Variants in NELL1 observed in about 807,000 individuals in gnomAD.
The protein encoded by NELL1 is neural EGFL like 1, also known as protein kinase C-binding protein NELL1.
In NELL1, 76 loss-of-function variants were observed where a neutral mutation model predicts 107.4. The ratio of observed to expected loss-of-function variants is 0.71; its 90% confidence interval spans 0.59 to 0.86. The LOEUF (loss-of-function observed/expected upper bound fraction) is 0.86. Among genes scored for constraint, NELL1 ranks in the 40% least tolerant of loss-of-function variants. The pLI, the probability that NELL1 is intolerant of heterozygous loss-of-function variation, is 0.00. For synonymous variants in NELL1, 353 were observed against 341.2 expected, an observed-to-expected ratio of 1.03 and a Z score of -0.38; for missense variants, 1,024 against 1,005.5, an observed-to-expected ratio of 1.02 and a Z score of -0.25.
chr11:20,742,840 C>T (rs1160640587), intron 2 of NELL1, among the ~76,000 whole-genome samples: 1 of 152,144 alleles, frequency 6.6e-6, no homozygotes, highest in East Asian at 1.9e-4. Flanking sequence ...CCTTGATATC[C>T]CTAACCCATA....
chr11:21,563,412 G>A (rs1173060312), intron 17 of NELL1, among the ~76,000 whole-genome samples: 1 of 152,038 alleles, frequency 6.6e-6, no homozygotes, highest in African/African-American at 2.4e-5. Context: ...GTCATATATG[G>A]TAGAGCTATG....
intron 13 of NELL1, among the ~76,000 whole-genome samples, chr11:21,120,796 G>A (rs1302698942): frequency 1.3e-5 from 2 of 152,076 alleles, no homozygotes; most frequent in African/African-American, 4.8e-5. Context: ...TACTACTTTT[G>A]CATATTTCAA....
chr11:20,672,851 A>ATTTT (rs35403876), intron 1 of NELL1, among the ~76,000 whole-genome samples: 11 of 137,268 alleles, frequency 8.0e-5, no homozygotes, highest in African/African-American at 2.4e-4. Flanking sequence ...AAAGGAGAGA[A>ATTTT]TTTTTTTTTT....
intron 12 of NELL1, among the ~76,000 whole-genome samples, chr11:21,088,138 G>C (rs537554632): frequency 6.7e-6 from 1 of 150,064 alleles, no homozygotes. Flanking sequence ...CTTCAATAAA[G>C]GCTATTGTTC....
At chr11:20,902,353 A>G (rs1320193654) in intron 5 of NELL1, among the ~76,000 whole-genome samples, 1 of 152,114 alleles carries the variant, frequency 6.6e-6, no homozygotes, top group Non-Finnish European at 1.5e-5. Context: ...ATAAATAACC[A>G]GTGAACATAT....
At chr11:20,706,629 C>T (rs1388260542) in intron 2 of NELL1, among the ~76,000 whole-genome samples, 4 of 151,850 alleles carry the variant, frequency 2.6e-5, no homozygotes, top group African/African-American at 4.8e-5. Flanking sequence ...ATGTAACAAA[C>T]CTGCACGTTG....
chr11:20,780,032 C>G (rs569633678), intron 2 of NELL1, among the ~76,000 whole-genome samples: 7 of 152,260 alleles, frequency 4.6e-5, no homozygotes, highest in South Asian at 2.1e-4. Flanking sequence ...TCAAAATTTA[C>G]TTGAAAGGGC....
chr11:21,358,828 G>A (rs1358293310), intron 14 of NELL1, among the ~76,000 whole-genome samples: 1 of 151,842 alleles, frequency 6.6e-6, no homozygotes, highest in Non-Finnish European at 1.5e-5. Flanking sequence ...ACTGATTTGT[G>A]TACATTGTAT....
chr11:21,139,881 A>G (rs1008244374), intron 13 of NELL1, among the ~76,000 whole-genome samples: 2 of 152,198 alleles, frequency 1.3e-5, no homozygotes, highest in Admixed American at 6.5e-5. Flanking sequence ...CAAGGATGTC[A>G]TCAAGGACCT....
At chr11:21,227,129 T>G (rs1401373735) in intron 13 of NELL1, among the ~76,000 whole-genome samples, 2 of 152,192 alleles carry the variant, frequency 1.3e-5, no homozygotes, top group African/African-American at 2.4e-5. Flanking sequence ...CCTTGATCAT[T>G]TGTGAAAGAT....
At chr11:21,347,837 ACCACC>A (rs1261764001) in intron 14 of NELL1, among the ~76,000 whole-genome samples, 10 of 152,122 alleles carry the variant, frequency 6.6e-5, no homozygotes, top group Non-Finnish European at 1.2e-4. Flanking sequence ...GTGGAAGGTA[ACCACC>A]GGTGCCTTAT....
chr11:20,711,639 A>G (rs965957505), intron 2 of NELL1, among the ~76,000 whole-genome samples: 1 of 151,810 alleles, frequency 6.6e-6, no homozygotes, highest in Admixed American at 6.6e-5. Context: ...TTCTTCATTT[A>G]TGAAGCTTAG....
intron 12 of NELL1, among the ~76,000 whole-genome samples, chr11:21,026,636 G>T (rs1193594975): frequency 3.3e-5 from 5 of 152,054 alleles, no homozygotes; most frequent in Admixed American, 3.3e-4. Context: ...ACATTGCCTG[G>T]AATATTCTAT....
intron 17 of NELL1, among the ~76,000 whole-genome samples, chr11:21,569,516 A>C (rs1857051487): frequency 6.6e-6 from 1 of 151,976 alleles, no homozygotes; most frequent in East Asian, 2.0e-4. Flanking sequence ...CCATTGAAAG[A>C]GAAGGCAACT....
At chr11:20,717,146 C>T (rs1855271177) in intron 2 of NELL1, among the ~76,000 whole-genome samples, 1 of 152,202 alleles carries the variant, frequency 6.6e-6, no homozygotes, top group African/African-American at 2.4e-5. Context: ...TACCTTACCA[C>T]AGAATTCTTT....
intron 15 of NELL1, among the ~76,000 whole-genome samples, chr11:21,411,404 C>T (rs1338422851): frequency 6.6e-6 from 1 of 151,966 alleles, no homozygotes; most frequent in Non-Finnish European, 1.5e-5. Flanking sequence ...CATGCAATGG[C>T]TTAAGTGGTC....
chr11:20,697,868 T>C (rs903566162), intron 2 of NELL1, among the ~76,000 whole-genome samples: 1 of 152,200 alleles, frequency 6.6e-6, no homozygotes, highest in Non-Finnish European at 1.5e-5. Context: ...TGCCCATGTG[T>C]AACCATTTTC....
intron 15 of NELL1, among the ~76,000 whole-genome samples, chr11:21,435,400 T>TC (rs1438619198): frequency 1.3e-5 from 2 of 151,468 alleles, no homozygotes; most frequent in Non-Finnish European, 2.9e-5. Context: ...GTTTGTTTGT[T>TC]TTTTACCATG....
chr11:20,893,420 A>G (rs967767227), intron 5 of NELL1, among the ~76,000 whole-genome samples: 1 of 151,650 alleles, frequency 6.6e-6, no homozygotes, highest in African/African-American at 2.4e-5. Flanking sequence ...TTAAAAAAAT[A>G]TTGACAGCAA....
Sources: gnomAD v4.1 joint callset for allele counts (sites outside exome capture counted in the v4.1 genomes callset) on GRCh38, gnomAD v4.1.1 for gene constraint, MANE v1.5 for transcripts, NCBI Gene and HGNC (gene_info 2026-07-23, HGNC 2026-07-21) for gene names.